Variants in ADGRV1 observed in about 807,000 individuals in gnomAD.
ADGRV1 encodes the protein G-protein coupled receptor 98.
In ADGRV1, 359 loss-of-function variants were observed where a neutral mutation model predicts 596.2. The ratio of observed to expected loss-of-function variants is 0.60; its 90% CI spans 0.55 to 0.66. The LOEUF is 0.66. Ranked by LOEUF, ADGRV1 falls within the 30% of genes least tolerant of loss-of-function variation. ADGRV1 has a pLI of 0.00. For synonymous variants in ADGRV1, 2,681 were observed against 2,679.2 expected (o/e 1.00, Z -0.02); for missense variants, 7,274 against 7,575.6 (o/e 0.96, Z 1.48).
intron 5 of ADGRV1, 65 bp from the exon 6 acceptor site, chr5:90,625,065 A>G (rs1039613822): frequency 3.2e-6 from 3 of 940,644 alleles, no homozygotes; most frequent in African/African-American, 1.6e-5. Flanking sequence ...TGACATCACA[A>G]TGATGCTTTC....
At chr5:91,136,174 A>C (rs1280565279) in intron 87 of ADGRV1, among the ~76,000 whole-genome samples, 1 of 152,174 alleles carries the variant, frequency 6.6e-6, no homozygotes, top group Non-Finnish European at 1.5e-5. Context: ...AAATTACAAA[A>C]TTCTGTTCTC....
At chr5:90,638,512 T>G (rs933494919) in intron 11 of ADGRV1, among the ~76,000 whole-genome samples, 1 of 150,474 alleles carries the variant, frequency 6.6e-6, no homozygotes, top group African/African-American at 2.4e-5. Context: ...TAATTTATAT[T>G]AAGAAAACTT....
rs1233119585 is a variant in ADGRV1 at position 90,774,179 on chromosome 5, G to C, written c.12286-7G>C. 1.9e-6 allele frequency: 3 copies of C among 1,539,618 alleles called. No homozygotes were observed. The South Asian group carries it at 3.5e-5, about 18-fold the overall frequency. On this transcript the variant is annotated splice_polypyrimidine_tract_variant and splice_region_variant and intron_variant, in intron 59 of 89. Transcript: ENST00000405460. ...GGAAAATGCACTGTTTCTGTCATTG[G>C]ATGTAGACTGAGTCCCAGAAGACCA... is the stretch of plus-strand genomic sequence containing the variant.
At chr5:90,837,123 T>G (rs1160875080) in intron 77 of ADGRV1, among the ~76,000 whole-genome samples, 1 of 152,234 alleles carries the variant, frequency 6.6e-6, no homozygotes, top group East Asian at 1.9e-4. Context: ...ATATCTAAGT[T>G]TGTGATATAA....
chr5:90,651,943 C>T (rs960878634), intron 18 of ADGRV1, among the ~76,000 whole-genome samples: 3 of 151,690 alleles, frequency 2.0e-5, no homozygotes, highest in African/African-American at 7.3e-5. Flanking sequence ...AAATTATTCT[C>T]CCCACCCCCC....
intron 85 of ADGRV1, among the ~76,000 whole-genome samples, chr5:90,986,219 G>A (rs1210099437): frequency 6.6e-6 from 1 of 150,934 alleles, no homozygotes; most frequent in African/African-American, 2.4e-5. Flanking sequence ...AAAACACTTT[G>A]CAATAATAAA....
chr5:90,950,519 G>A (rs562071220), intron 83 of ADGRV1, among the ~76,000 whole-genome samples: 6 of 152,108 alleles, frequency 3.9e-5, no homozygotes, highest in African/African-American at 1.4e-4. Flanking sequence ...ACAGGATTTT[G>A]CCCTGTTGGT....
Position 91,153,391 on chromosome 5 carries a change from A to T in ADGRV1, c.18795A>T (p.Leu6265Phe). 1.9e-6 allele frequency: 3 copies of T among 1,601,402 alleles called. No individual in the cohort carries two copies. The highest frequency in any genetic ancestry group is 2.6e-6 in the Non-Finnish European group (3 of 1,173,310). The change falls in exon 89 of 90, where the codon TTA becomes TTT. Residue 6265 changes from leucine (L) to phenylalanine (F), a missense_variant. Physicochemically the swap from Leu to Phe is conservative, Grantham distance 22. Transcript: ENST00000405460. ...SQEFDDLIFA[L>F]KTGAGLSVSD... The stretch of plus-strand genomic sequence containing the variant: ...AGTTTGATGATTTAATATTTGCATT[A>T]AAAACTGGTATGTATGAACCCATGA...
chr5:90,844,932 A>G (rs929106715), intron 78 of ADGRV1, among the ~76,000 whole-genome samples: 4 of 152,164 alleles, frequency 2.6e-5, no homozygotes, highest in African/African-American at 9.7e-5. Flanking sequence ...TTTTCATCAT[A>G]TACTTTTTAA....
intron 1 of ADGRV1, 102 bp downstream of exon 1, chr5:90,559,019 G>A: frequency 1.8e-6 from 2 of 1,111,270 alleles, no homozygotes; most frequent in Non-Finnish European, 2.5e-6. Flanking sequence ...AGGGCGGCGC[G>A]GAGGGCGGGC....
At chr5:91,036,336 G>A (rs1020067273) in intron 85 of ADGRV1, among the ~76,000 whole-genome samples, 1 of 151,972 alleles carries the variant, frequency 6.6e-6, no homozygotes, top group Non-Finnish European at 1.5e-5. Flanking sequence ...CTGGTGGGCG[G>A]ATCACTAGGT....
chr5:90,704,245 T>C (rs1399097114), intron 35 of ADGRV1, 144 bp from the exon 36 acceptor site: 2 of 608,678 alleles, frequency 3.3e-6, no homozygotes, highest in South Asian at 2.2e-5. Context: ...CAGTGGTTTT[T>C]ATTTATTTAT....
chr5:90,717,634 C>G (rs1369596156), intron 43 of ADGRV1: 1 of 151,950 alleles, frequency 6.6e-6, no homozygotes, highest in Non-Finnish European at 1.5e-5. Context: ...TGGCTACAGG[C>G]GCCCACCACT....
chr5:91,108,282 T>A (rs1203406481), intron 87 of ADGRV1, among the ~76,000 whole-genome samples: 1 of 152,210 alleles, frequency 6.6e-6, no homozygotes, highest in Non-Finnish European at 1.5e-5. Context: ...TTTAAGTATG[T>A]TCCATAAACA....
intron 87 of ADGRV1, among the ~76,000 whole-genome samples, chr5:91,145,440 A>G (rs1277235903): frequency 6.6e-6 from 1 of 152,214 alleles, no homozygotes; most frequent in Non-Finnish European, 1.5e-5. Flanking sequence ...TTTAAGGCTG[A>G]CAGTTTTATT....
chr5:90,566,501 G>T (rs1226739960), intron 1 of ADGRV1, among the ~76,000 whole-genome samples: 1 of 151,850 alleles, frequency 6.6e-6, no homozygotes, highest in African/African-American at 2.4e-5. Flanking sequence ...CTATTTTGTT[G>T]ATCTAGTTTT....
At chr5:90,683,489 A>G (rs1338475814) in intron 27 of ADGRV1, 97 bp from the exon 28 acceptor site, 1 of 996,660 alleles carries the variant, frequency 1.0e-6, no homozygotes, top group Non-Finnish European at 1.4e-6. Context: ...ACTTATATAA[A>G]ATAAAATTGT....
Position 90,840,752 on chromosome 5 carries a change from C to T in ADGRV1, c.16786C>T (p.Gln5596Ter). ...GSLNSFPKRF[Q>*]IVLFDPKGGA... ...TTTAAATTCATTTCCTAAACGCTTCCAGATTGTCCTTTTTGACCCAAAAGG... is the reference window on the plus strand; with the variant it reads ...TTTAAATTCATTTCCTAAACGCTTCTAGATTGTCCTTTTTGACCCAAAAGG... The change falls in exon 78 of 90, where the codon CAG (glutamine) becomes TAG (stop). Residue 5596 changes from glutamine to a stop codon, truncating the protein, a stop_gained. Transcript: ENST00000405460. LOFTEE classifies it high-confidence loss of function. The T allele has an allele frequency of 6.2e-7, 1 of 1,613,962 alleles. No homozygotes were observed. Among genetic ancestry groups the T allele is most frequent in the Non-Finnish European group, 8.5e-7 (1 of 1,179,882 alleles).
Position 90,853,419 on chromosome 5 carries a change from C to A in ADGRV1, c.17340C>A (p.Val5780=), listed in dbSNP as rs539764491. The A allele has an allele frequency of 1.2e-6, 2 of 1,613,314 alleles. No homozygotes were observed. Among genetic ancestry groups the A allele is most frequent in the African/African-American group, 2.7e-5 (2 of 74,862 alleles). The change falls in exon 80 of 90, where the codon GTC becomes GTA. Residue 5780 remains valine (V), a synonymous_variant. Transcript: ENST00000405460. ...YIRIPERLLD[V]QDAEIMAGKS... ...GAATTCCAGAGAGGCTACTGGATGT[C>A]CAGGATGCAGAAATAATGGCTGGGA... is the stretch of plus-strand genomic sequence containing the variant.
Sources: allele counts gnomAD v4.1 joint callset (sites outside exome capture counted in the v4.1 genomes callset), GRCh38; gene constraint gnomAD v4.1.1; transcripts MANE v1.5; gene names NCBI Gene and HGNC (gene_info 2026-07-23, HGNC 2026-07-21).